PDE1C: variants seen among roughly 807,000 people sequenced by gnomAD.
PDE1C encodes phosphodiesterase 1C.
A neutral mutation model predicts 93.1 loss-of-function variants in PDE1C; 62 were observed. The observed-to-expected ratio is 0.67, with a 90% CI of 0.54 to 0.82. The LOEUF is 0.82. Ranked by LOEUF, PDE1C falls within the 40% of genes least tolerant of loss-of-function variation. The pLI, the probability that PDE1C is intolerant of heterozygous loss-of-function variation, is 0.00. For missense variants in PDE1C, 742 were observed against 884.6 expected (o/e 0.84, Z 2.04); for synonymous variants, 325 against 310.1 (o/e 1.05, Z -0.50).
At chr7:32,362,989 G>A (rs59710414) in intron 1 of PDE1C, among the ~76,000 whole-genome samples, 1 of 152,332 alleles carries the variant, frequency 6.6e-6, no homozygotes, top group East Asian at 1.9e-4. Context: ...AGCCAATCAC[G>A]AAGCAAATTC....
the PDE1C span, among the ~76,000 whole-genome samples, chr7:31,678,127 G>T: frequency 6.6e-6 from 1 of 152,098 alleles, no homozygotes; most frequent in Non-Finnish European, 1.5e-5. Flanking sequence ...GAACAAAAAA[G>T]TAGATTTGAA....
chr7:32,212,168 CA>C (rs1339299253), intron 1 of PDE1C, among the ~76,000 whole-genome samples: 1 of 151,952 alleles, frequency 6.6e-6, no homozygotes, highest in East Asian at 1.9e-4. Flanking sequence ...AGAACACAGG[CA>C]ACCACCTAAA....
At chr7:31,652,714 C>T in the PDE1C span, 2 of 1,613,828 alleles carry the variant, frequency 1.2e-6, no homozygotes, top group Admixed American at 3.3e-5. Flanking sequence ...TTCACTCCAC[C>T]CACCTTGGAG....
the PDE1C span, chr7:31,652,114 G>T: frequency 8.7e-7 from 1 of 1,147,950 alleles, no homozygotes; most frequent in South Asian, 1.4e-5. Context: ...TGCATTAAAT[G>T]AGAAACTTGA....
intron 12 of PDE1C, among the ~76,000 whole-genome samples, chr7:31,825,824 G>A (rs554044675): frequency 1.2e-4 from 18 of 152,168 alleles, no homozygotes; most frequent in Non-Finnish European, 2.1e-4. Context: ...AACAAAGCAG[G>A]GAAAACAGGA....
At chr7:31,744,521 C>T in the PDE1C span, among the ~76,000 whole-genome samples, 1 of 152,142 alleles carries the variant, frequency 6.6e-6, no homozygotes, top group African/African-American at 2.4e-5. Context: ...CAGGTGCGAT[C>T]TGTTGCTTGA....
chr7:31,891,805 TACACAC>T (rs70989620), intron 2 of PDE1C, among the ~76,000 whole-genome samples: 18,711 of 145,996 alleles, frequency 0.13, 1,279 homozygotes, highest in South Asian at 0.21. Context: ...AATGCATTCA[TACACAC>T]ACACACACAC....
chr7:32,086,643 G>T (rs1444601296), intron 3 of PDE1C, among the ~76,000 whole-genome samples: 1 of 152,104 alleles, frequency 6.6e-6, no homozygotes, highest in Non-Finnish European at 1.5e-5. Context: ...CATGGTACTG[G>T]TACCAAAACA....
At chr7:32,090,237 G>C (rs1477459321) in intron 3 of PDE1C, among the ~76,000 whole-genome samples, 1 of 152,094 alleles carries the variant, frequency 6.6e-6, no homozygotes, top group African/African-American at 2.4e-5. Context: ...CTTTTCACAG[G>C]CTTCCCAAAT....
chr7:32,304,611 C>G (rs545387779), intron 1 of PDE1C, among the ~76,000 whole-genome samples: 1 of 151,608 alleles, frequency 6.6e-6, no homozygotes. Context: ...CACGGCTCCA[C>G]GGCAAATAGG....
chr7:31,950,541 C>T (rs1421919611), intron 2 of PDE1C, among the ~76,000 whole-genome samples: 2 of 152,310 alleles, frequency 1.3e-5, no homozygotes. Context: ...GGATCTCTGA[C>T]AGAGGTTTTC....
At chr7:31,889,018 A>C (rs1257790180) in intron 2 of PDE1C, among the ~76,000 whole-genome samples, 5 of 152,220 alleles carry the variant, frequency 3.3e-5, no homozygotes, top group Non-Finnish European at 7.3e-5. Flanking sequence ...AAATGACCTA[A>C]ATAATGGAAG....
At chr7:31,805,391 G>A (rs1786695390) in intron 16 of PDE1C, among the ~76,000 whole-genome samples, 1 of 151,988 alleles carries the variant, frequency 6.6e-6, no homozygotes, top group East Asian at 2.0e-4. Context: ...TAAAACCACA[G>A]AAAGTGAAAC....
At chr7:32,084,605 A>C (rs1370280318) in intron 3 of PDE1C, among the ~76,000 whole-genome samples, 1 of 151,912 alleles carries the variant, frequency 6.6e-6, no homozygotes, top group African/African-American at 2.4e-5. Context: ...GTTGGAAGTA[A>C]AGCTCTCCTC....
intron 3 of PDE1C, among the ~76,000 whole-genome samples, chr7:32,113,185 G>A (rs1263723843): frequency 7.2e-6 from 1 of 139,696 alleles, no homozygotes; most frequent in Admixed American, 7.3e-5. Context: ...GCACCCTGTA[G>A]TTCCACCCGA....
At chr7:31,672,232 C>T in the PDE1C span, among the ~76,000 whole-genome samples, 124,919 of 152,030 alleles carry the variant, frequency 0.82, 51,877 homozygotes, top group African/African-American at 0.95. Flanking sequence ...GATGGAAGTA[C>T]ACTTCACCAA....
At chr7:31,946,854 G>T (rs1382286200) in intron 2 of PDE1C, among the ~76,000 whole-genome samples, 3 of 152,168 alleles carry the variant, frequency 2.0e-5, no homozygotes, top group African/African-American at 7.2e-5. Flanking sequence ...GTGTGTGTGT[G>T]ATTTTTTTCC....
chr7:32,342,822 C>A (rs778853604), intron 1 of PDE1C, among the ~76,000 whole-genome samples: 1 of 152,166 alleles, frequency 6.6e-6, no homozygotes, highest in Non-Finnish European at 1.5e-5. Context: ...ATTTTCAATA[C>A]TAAAAACCCC....
intron 16 of PDE1C, chr7:31,790,125 A>G: frequency 6.4e-7 from 1 of 1,566,386 alleles, no homozygotes; most frequent in Non-Finnish European, 8.6e-7. Flanking sequence ...TTGTGTTTGA[A>G]AGTTGTACAC....
Sources: gnomAD v4.1 joint callset for allele counts (sites outside exome capture counted in the v4.1 genomes callset) on GRCh38, gnomAD v4.1.1 for gene constraint, MANE v1.5 for transcripts, NCBI Gene and HGNC (gene_info 2026-07-23, HGNC 2026-07-21) for gene names.